Variants in PCCA observed in about 807,000 individuals in gnomAD.
PCCA encodes propionyl-CoA carboxylase subunit alpha, also known as propionyl-CoA carboxylase alpha chain, mitochondrial.
In PCCA, 74 loss-of-function variants were observed where a neutral mutation model predicts 101.3. The ratio of observed to expected loss-of-function variants is 0.73; its 90% CI spans 0.61 to 0.89. The LOEUF is 0.89. PCCA is among the 40% of genes least tolerant of loss of function. The pLI, the probability that PCCA is intolerant of heterozygous loss-of-function variation, is 0.00. For synonymous variants in PCCA, 294 were observed against 313.6 expected (o/e 0.94, Z 0.66); for missense variants, 891 against 907.0 (o/e 0.98, Z 0.23).
chr13:100,112,806 C>T (rs907667677), intron 4 of PCCA, among the ~76,000 whole-genome samples: 1 of 152,010 alleles, frequency 6.6e-6, no homozygotes, highest in African/African-American at 2.4e-5. Flanking sequence ...GAACTCCTGA[C>T]CTTAGGTGAT....
At chr13:100,153,510 G>A (rs1262252966) in intron 4 of PCCA, among the ~76,000 whole-genome samples, 1 of 152,240 alleles carries the variant, frequency 6.6e-6, no homozygotes, top group East Asian at 1.9e-4. Flanking sequence ...CTTTTTAAAG[G>A]ATTGTGAAGT....
chr13:100,157,432 A>C, intron 6 of PCCA, 92 bp downstream of exon 6: 1 of 862,984 alleles, frequency 1.2e-6, no homozygotes, highest in Non-Finnish European at 2.0e-6. Flanking sequence ...GATGGATTAT[A>C]GAATTTTAAT....
intron 21 of PCCA, among the ~76,000 whole-genome samples, chr13:100,468,061 T>C (rs1002703698): frequency 6.6e-6 from 1 of 152,236 alleles, no homozygotes; most frequent in African/African-American, 2.4e-5. Flanking sequence ...TTCATCTCCT[T>C]GTATATCTCC....
chr13:100,171,306 C>T lies in PCCA; in HGVS notation c.468+13966C>T, dbSNP rs896891829. Among the ~76,000 whole-genome samples, 8 of 152,200 alleles carry T rather than the reference C, an allele frequency of 5.3e-5. No homozygotes were observed. In the East Asian group the frequency reaches 1.2e-3, roughly 22 times the overall value. Reference sequence around the variant, plus strand: ...ATACAACATGTATAAGCCAAAGCTCCTTGAGATTGTCAATATTTAAAACTG... The same window carrying T: ...ATACAACATGTATAAGCCAAAGCTCTTTGAGATTGTCAATATTTAAAACTG... On this transcript the variant is annotated intron_variant, in intron 6 of 23. Transcript: ENST00000376285.
At chr13:100,271,123 A>G (rs1211838249) in intron 11 of PCCA, among the ~76,000 whole-genome samples, 1 of 152,220 alleles carries the variant, frequency 6.6e-6, no homozygotes, top group African/African-American at 2.4e-5. Flanking sequence ...TGAAAAGGGC[A>G]AGGGCAAGAT....
chr13:100,105,812 A>AGTTT (rs2047714822), intron 2 of PCCA, among the ~76,000 whole-genome samples: 3 of 133,698 alleles, frequency 2.2e-5, no homozygotes, highest in African/African-American at 8.7e-5. Context: ...ACTGTACTCC[A>AGTTT]GACTGCTAGG....
At chr13:100,255,493 T>C (rs558193435) in intron 8 of PCCA, among the ~76,000 whole-genome samples, 8 of 152,240 alleles carry the variant, frequency 5.3e-5, no homozygotes, top group African/African-American at 1.4e-4. Context: ...CTGAATGTAG[T>C]GGAGATGTGG....
Position 100,301,536 on chromosome 13 carries a change from C to T in PCCA, c.1142C>T (p.Pro381Leu). Residue 381 changes from proline to leucine, a missense_variant, in exon 13 of 24, where the codon CCT (proline) becomes CTT (leucine). Physicochemically the swap from Pro to Leu is moderately conservative, Grantham distance 98. Transcript: ENST00000376285. The stretch of plus-strand genomic sequence containing the variant: ...ATGATCCGTGTTGCTAAGGGCTACC[C>T]TCTCAGGCACAAACAAGCTGATATT... ...QEMIRVAKGYPLRHKQADIRI... is the reference protein window; with the variant it reads ...QEMIRVAKGYLLRHKQADIRI... 3 of 1,614,072 alleles carry T rather than the reference C, an allele frequency of 1.9e-6. No individual in the cohort carries two copies.
At chr13:100,130,384 TCTG>T (rs2050383194) in intron 4 of PCCA, among the ~76,000 whole-genome samples, 5 of 152,232 alleles carry the variant, frequency 3.3e-5, no homozygotes, top group Non-Finnish European at 7.3e-5. Flanking sequence ...TGGATTTATA[TCTG>T]AGTCATTCAT....
chr13:100,093,329 T>C (rs1034409796), intron 1 of PCCA, among the ~76,000 whole-genome samples: 1 of 152,184 alleles, frequency 6.6e-6, no homozygotes, highest in African/African-American at 2.4e-5. Flanking sequence ...GAATAAATGC[T>C]TCGTTTTATA....
intron 23 of PCCA, among the ~76,000 whole-genome samples, chr13:100,528,615 G>A (rs746229961): frequency 2.4e-4 from 36 of 152,208 alleles, no homozygotes; most frequent in African/African-American, 5.8e-4. Context: ...GCCTGGTCCC[G>A]GCTGGGAGAA....
intron 19 of PCCA, among the ~76,000 whole-genome samples, chr13:100,375,714 A>G (rs141161315): frequency 0.031 from 4,718 of 152,286 alleles, 236 homozygotes; most frequent in African/African-American, 0.11. Flanking sequence ...GTCCATCAAC[A>G]CTATGAAGAA....
At chr13:100,522,375 A>C (rs972905522) in intron 22 of PCCA, among the ~76,000 whole-genome samples, 6 of 152,208 alleles carry the variant, frequency 3.9e-5, no homozygotes, top group Non-Finnish European at 5.9e-5. Context: ...AATACCATCC[A>C]TCAGGAGCTA....
chr13:100,519,822 G>C (rs67834927), intron 22 of PCCA, among the ~76,000 whole-genome samples: 40,177 of 152,262 alleles, frequency 0.26, 5,911 homozygotes, highest in Middle Eastern at 0.39. Flanking sequence ...CTCCCGACGG[G>C]TGTTTGCCTG....
chr13:100,347,118 G>A (rs1049267507), intron 18 of PCCA, among the ~76,000 whole-genome samples: 2 of 152,196 alleles, frequency 1.3e-5, no homozygotes, highest in African/African-American at 2.4e-5. Flanking sequence ...CTTGTGATCC[G>A]CCTGCCTCGG....
intron 1 of PCCA, among the ~76,000 whole-genome samples, chr13:100,090,921 AG>A (rs749580015): frequency 2.6e-5 from 4 of 152,196 alleles, no homozygotes; most frequent in Non-Finnish European, 4.4e-5. Context: ...ATCTACGGTA[AG>A]GGAGTGTTTT....
chr13:100,346,725 C>T (rs1406295270), intron 18 of PCCA, among the ~76,000 whole-genome samples: 1 of 152,142 alleles, frequency 6.6e-6, no homozygotes, highest in African/African-American at 2.4e-5. Context: ...ATTGGTTTAG[C>T]AAACTTTATT....
At chr13:100,447,455 T>G (rs2080917176) in intron 20 of PCCA, among the ~76,000 whole-genome samples, 2 of 151,914 alleles carry the variant, frequency 1.3e-5, no homozygotes, top group Admixed American at 1.3e-4. Context: ...TTTTGGGAGC[T>G]GAGGCCAGGA....
At chr13:100,391,917 GTTA>G (rs937598813) in intron 19 of PCCA, among the ~76,000 whole-genome samples, 2 of 151,996 alleles carry the variant, frequency 1.3e-5, no homozygotes, top group Admixed American at 1.3e-4. Context: ...GGTTTTTTGG[GTTA>G]TTGTTACTGT....
Sources: allele counts gnomAD v4.1 joint callset (sites outside exome capture counted in the v4.1 genomes callset), GRCh38; gene constraint gnomAD v4.1.1; transcripts MANE v1.5; gene names NCBI Gene and HGNC (gene_info 2026-07-23, HGNC 2026-07-21).